SLC7A9: variants seen among roughly 807,000 people sequenced by gnomAD.
SLC7A9 encodes the protein solute carrier family 7 member 9.
SLC7A9 carries 38 observed loss-of-function variants against 54.1 expected under a neutral mutation model. The observed-to-expected ratio is 0.70, with a 90% CI of 0.54 to 0.92. The LOEUF is 0.92. Ranked by LOEUF, SLC7A9 falls within the 40% of genes least tolerant of loss-of-function variation. The pLI, the probability that SLC7A9 is intolerant of heterozygous loss-of-function variation, is 0.00. For synonymous variants in SLC7A9, 264 were observed against 258.9 expected (o/e 1.02, Z -0.19); for missense variants, 537 against 636.1 (o/e 0.84, Z 1.68).
At chr19:32,830,770 G>C in intron 12 of SLC7A9, 86 bp from the exon 13 acceptor site, 1 of 1,088,734 alleles carries the variant, frequency 9.2e-7, no homozygotes, top group Non-Finnish European at 1.4e-6. Context: ...GGGTGACATT[G>C]TTTTCAGTCT....
chr19:32,847,539 A>G (rs1968336062), intron 9 of SLC7A9, among the ~76,000 whole-genome samples: 1 of 152,222 alleles, frequency 6.6e-6, no homozygotes. Context: ...GACTATGTGA[A>G]AAGACCAAAT....
At chr19:32,849,453 C>T (rs1968399822) in intron 9 of SLC7A9, among the ~76,000 whole-genome samples, 1 of 152,166 alleles carries the variant, frequency 6.6e-6, no homozygotes, top group South Asian at 2.1e-4. Flanking sequence ...AATTCCTGGA[C>T]ACATACACCC....
In SLC7A9 at chr19:32,833,307, G is replaced by A. The variant is rs1429344519; in HGVS notation, c.1241C>T (p.Pro414Leu). Residue 414 changes from proline to leucine, a missense_variant, in exon 12 of 13, where the codon CCC (proline) becomes CTC (leucine). Coordinates refer to ENST00000023064, the MANE Select transcript of SLC7A9 (RefSeq NM_014270.5). ...ERPIKVPVVI[P>L]VLMTLISVFL... ...CACAGAGATGAGTGTCATCAAGACG[G>A]GAATGACTACGGGCACCTGGAGACG... 1.2e-6 allele frequency: 2 copies of A among 1,614,006 alleles called. No individual in the cohort carries two copies. The highest frequency in any genetic ancestry group is 2.7e-5 in the African/African-American group (2 of 74,912).
intron 10 of SLC7A9, among the ~76,000 whole-genome samples, chr19:32,843,051 G>C (rs1968174120): frequency 6.6e-6 from 1 of 151,982 alleles, no homozygotes; most frequent in Non-Finnish European, 1.5e-5. Context: ...GTTCTCCTCT[G>C]GGGGAAGGAG....
chr19:32,863,476 C>A (rs1265646376), intron 4 of SLC7A9, among the ~76,000 whole-genome samples: 1 of 152,116 alleles, frequency 6.6e-6, no homozygotes, highest in African/African-American at 2.4e-5. Context: ...CCCCCCTCCT[C>A]AGCCTCCCAC....
chr19:32,836,680 C>G (rs1967968010), intron 11 of SLC7A9, among the ~76,000 whole-genome samples: 1 of 152,148 alleles, frequency 6.6e-6, no homozygotes, highest in Non-Finnish European at 1.5e-5. Flanking sequence ...GCGTCCAGAT[C>G]TGTCTTGGCC....
At chr19:32,858,216 G>A (rs184661478) in intron 9 of SLC7A9, among the ~76,000 whole-genome samples, 18 of 152,258 alleles carry the variant, frequency 1.2e-4, no homozygotes, top group Non-Finnish European at 1.8e-4. Context: ...TGAGATTCCA[G>A]GCAGCCTTGA....
chr19:32,833,438 A>G lies in SLC7A9; in HGVS notation c.1225-115T>C, dbSNP rs557303847. The G allele has an allele frequency of 1.9e-5, 18 of 925,280 alleles. No homozygotes were observed. In the Admixed American group the frequency reaches 2.1e-4, roughly 11 times the overall value. The allele number at this position is 925,280 out of a possible 1,614,324, so 57.3% of individuals were successfully genotyped here. A position where few individuals can be genotyped will look rare whatever the true frequency, so the allele number is the denominator to read the frequency against. ...CCATGTACCCCCTCCTCCAATTTCAATCATTTTAATGTAATTTTGCCAATC... is the reference window on the plus strand; with the variant it reads ...CCATGTACCCCCTCCTCCAATTTCAGTCATTTTAATGTAATTTTGCCAATC... On this transcript the variant is annotated intron_variant, in intron 11 of 12. Coordinates refer to ENST00000023064, the MANE Select transcript of SLC7A9 (RefSeq NM_014270.5).
intron 7 of SLC7A9, 83 bp downstream of exon 7, chr19:32,860,523 C>T: frequency 6.2e-7 from 1 of 1,610,084 alleles, no homozygotes; most frequent in East Asian, 2.2e-5. Context: ...CATGGAATAC[C>T]CAGGGAAATA....
Position 32,843,915 on chromosome 19 carries a change from G to C in SLC7A9, c.1014C>G (p.Leu338=), listed in dbSNP as rs1480871059. 1 of 1,613,904 alleles carries C rather than the reference G, an allele frequency of 6.2e-7. No homozygotes were observed. The highest frequency in any genetic ancestry group is 8.5e-7 in the Non-Finnish European group (1 of 1,179,988). ...TGACGCTGATGTAAGAAAGCACTTT[G>C]AGCATGTGACCCTCCCGGCCCGCCA... ...IYVAGREGHM[L]KVLSYISVRR... Residue 338 remains leucine (L), a synonymous_variant, in exon 10 of 13, where the codon CTC becomes CTG. Coordinates refer to ENST00000023064, the MANE Select transcript of SLC7A9 (RefSeq NM_014270.5).
chr19:32,832,606 AAAG>A (rs1967835708), intron 12 of SLC7A9, among the ~76,000 whole-genome samples: 4 of 96,044 alleles, frequency 4.2e-5, no homozygotes, highest in Non-Finnish European at 6.9e-5. Context: ...AAAAAAAAAG[AAAG>A]AAAGAAAGAA....
At chr19:32,855,618 C>T (rs911923304) in intron 9 of SLC7A9, among the ~76,000 whole-genome samples, 1 of 151,506 alleles carries the variant, frequency 6.6e-6, no homozygotes, top group African/African-American at 2.4e-5. Context: ...AGGAGAATGG[C>T]GTGAACCTGG....
chr19:32,858,134 C>T (rs573931246), intron 9 of SLC7A9, among the ~76,000 whole-genome samples: 3 of 152,190 alleles, frequency 2.0e-5, no homozygotes, highest in East Asian at 1.9e-4. Flanking sequence ...CACGCGGTGT[C>T]GCTTCCCTTC....
chr19:32,841,864 G>A (rs767163288), intron 11 of SLC7A9, among the ~76,000 whole-genome samples: 5 of 152,148 alleles, frequency 3.3e-5, no homozygotes, highest in Non-Finnish European at 5.9e-5. Flanking sequence ...CCAAGGATGC[G>A]CCACTGCACT....
At chr19:32,846,136 G>A (rs1485286919) in intron 9 of SLC7A9, among the ~76,000 whole-genome samples, 1 of 152,234 alleles carries the variant, frequency 6.6e-6, no homozygotes, top group African/African-American at 2.4e-5. Context: ...TGAGGTACCA[G>A]GTTCATCTCA....
At chr19:32,830,880 G>T (rs1263589451) in intron 12 of SLC7A9, among the ~76,000 whole-genome samples, 196 bp from the exon 13 acceptor site, 1 of 152,134 alleles carries the variant, frequency 6.6e-6, no homozygotes, top group Non-Finnish European at 1.5e-5. Flanking sequence ...TCCCAGAATT[G>T]CAGGAATAGA....
chr19:32,844,464 T>A (rs995226191), intron 9 of SLC7A9, among the ~76,000 whole-genome samples: 3 of 152,062 alleles, frequency 2.0e-5, no homozygotes, highest in African/African-American at 7.2e-5. Flanking sequence ...TCTCTCTCTA[T>A]CTCCCTTTCC....
Position 32,858,489 on chromosome 19 carries a change from C to A in SLC7A9, c.928G>T (p.Ala310Ser). 1 of 1,613,586 alleles carries A rather than the reference C, an allele frequency of 6.2e-7. No individual in the cohort carries two copies. Among genetic ancestry groups the A allele is most frequent in the Non-Finnish European group, 8.5e-7 (1 of 1,179,952 alleles). ...TTAGCAGCACCGATGGTTGAAAATG[C>A]CACAAAAAGTGGAACGATCCAAGAA... Reference protein sequence around the residue: ...PASWIVPLFVAFSTIGAANGT... With the variant: ...PASWIVPLFVSFSTIGAANGT... The change falls in exon 9 of 13, where the codon GCA becomes TCA. Residue 310 changes from alanine to serine, a missense_variant. Ala to Ser is a moderately conservative substitution (Grantham distance 99). Coordinates refer to ENST00000023064, the MANE Select transcript of SLC7A9 (RefSeq NM_014270.5).
At chr19:32,861,578 G>A (rs111251343) in intron 6 of SLC7A9, among the ~76,000 whole-genome samples, 2,988 of 152,234 alleles carry the variant, frequency 0.02, 97 homozygotes, top group African/African-American at 0.069. Flanking sequence ...TTGGGAGGCC[G>A]AGGAGAGAGA....
Sources: gnomAD v4.1 joint callset for allele counts (sites outside exome capture counted in the v4.1 genomes callset) on GRCh38, gnomAD v4.1.1 for gene constraint, MANE v1.5 for transcripts, NCBI Gene and HGNC (gene_info 2026-07-23, HGNC 2026-07-21) for gene names.